SSH2: variants seen among roughly 807,000 people sequenced by gnomAD.
The protein encoded by SSH2 is slingshot protein phosphatase 2, also known as protein phosphatase Slingshot homolog 2.
In SSH2, 37 loss-of-function variants were observed where a neutral mutation model predicts 135.2. The observed-to-expected ratio is 0.27, with a 90% CI of 0.21 to 0.36. SSH2 has a LOEUF of 0.36. Ranked by LOEUF, SSH2 falls within the 10% of genes least tolerant of loss-of-function variation. The probability of loss-of-function intolerance (pLI) is 1.00; values close to 1 mark genes in which losing one functional copy is unlikely to be tolerated. For missense variants in SSH2, 1,408 were observed against 1,765.3 expected (o/e 0.80, Z 3.63); for synonymous variants, 628 against 646.2 (o/e 0.97, Z 0.43).
chr17:29,759,883 C>T (rs1444999531), intron 3 of SSH2, among the ~76,000 whole-genome samples: 2 of 152,178 alleles, frequency 1.3e-5, no homozygotes, highest in Non-Finnish European at 2.9e-5. Flanking sequence ...TATTTTCATA[C>T]TGGTTATCAG....
At chr17:29,878,534 T>C (rs1388424993) in intron 1 of SSH2, among the ~76,000 whole-genome samples, 1 of 152,186 alleles carries the variant, frequency 6.6e-6, no homozygotes, top group African/African-American at 2.4e-5. Flanking sequence ...GCTCAAAATA[T>C]ATGTTTAGAA....
intron 1 of SSH2, among the ~76,000 whole-genome samples, chr17:29,916,628 T>C (rs2066886807): frequency 6.6e-6 from 1 of 152,116 alleles, no homozygotes; most frequent in Admixed American, 6.5e-5. Flanking sequence ...GCCCAGCTAA[T>C]GTTATAGGTA....
At chr17:29,809,025 G>A (rs1031994965) in intron 2 of SSH2, among the ~76,000 whole-genome samples, 27 of 152,120 alleles carry the variant, frequency 1.8e-4, no homozygotes, top group Admixed American at 1.8e-3. Context: ...AGGCTGAGGC[G>A]GGCAGGTCAC....
intron 3 of SSH2, among the ~76,000 whole-genome samples, chr17:29,708,589 C>CAAA (rs61012646): frequency 1.0e-5 from 1 of 98,924 alleles, no homozygotes; most frequent in African/African-American, 3.9e-5. Flanking sequence ...AACTCTGCTT[C>CAAA]AAAAAAAAAA....
chr17:29,833,478 T>C (rs2042883318), intron 2 of SSH2, among the ~76,000 whole-genome samples: 1 of 152,202 alleles, frequency 6.6e-6, no homozygotes, highest in South Asian at 2.1e-4. Context: ...TGTGTCTTTA[T>C]AGGTGAAGTG....
intron 2 of SSH2, among the ~76,000 whole-genome samples, chr17:29,810,131 T>A (rs2042415624): frequency 6.6e-6 from 1 of 152,218 alleles, no homozygotes; most frequent in Non-Finnish European, 1.5e-5. Context: ...AGAACAAGTA[T>A]TGTAGGACAG....
intron 5 of SSH2, among the ~76,000 whole-genome samples, chr17:29,685,108 C>T (rs1465381933): frequency 2.0e-5 from 3 of 152,186 alleles, no homozygotes; most frequent in Non-Finnish European, 4.4e-5. Context: ...ATGGAGCAAA[C>T]TATTAGCATC....
intron 2 of SSH2, among the ~76,000 whole-genome samples, chr17:29,844,055 T>A (rs1316339153): frequency 6.6e-6 from 1 of 152,212 alleles, no homozygotes. Context: ...CATTTGATTC[T>A]AGGGGGTGGC....
rs2038296190 is a variant in SSH2 at position 29,688,009 on chromosome 17, T to TC, written c.358-3326_358-3325insG. Among the ~76,000 whole-genome samples, 3 of 44,312 alleles carry TC rather than the reference T, an allele frequency of 6.8e-5. No individual in the cohort carries two copies. In the South Asian group the frequency reaches 3.5e-3, roughly 52 times the overall value. The allele number at this position is 44,312 out of a possible 152,430, so 29.1% of individuals were successfully genotyped here. On this transcript the variant is annotated intron_variant, in intron 5 of 15. Coordinates refer to ENST00000540801, the MANE Select transcript of SSH2 (RefSeq NM_001282129.2). The stretch of plus-strand genomic sequence containing the variant: ...GTGATATTCATTGCAAACATTAGTG[T>TC]TTTTTTTTTTTTATTTTTCGAGATG...
chr17:29,718,907 G>A (rs532027973), intron 3 of SSH2, among the ~76,000 whole-genome samples: 100 of 152,144 alleles, frequency 6.6e-4, no homozygotes, highest in Non-Finnish European at 1.0e-3. Flanking sequence ...CGTGGCAGCT[G>A]ACTTTCCCCA....
intron 1 of SSH2, among the ~76,000 whole-genome samples, chr17:29,898,312 A>C (rs2066481560): frequency 6.6e-6 from 1 of 152,188 alleles, no homozygotes; most frequent in Non-Finnish European, 1.5e-5. Flanking sequence ...GACACAAAAA[A>C]ACCCTTCAAA....
At chr17:29,721,452 C>T (rs1038876664) in intron 3 of SSH2, among the ~76,000 whole-genome samples, 2 of 152,096 alleles carry the variant, frequency 1.3e-5, no homozygotes, top group Non-Finnish European at 2.9e-5. Context: ...TTTTAACCAC[C>T]GGCTTTACTA....
At chr17:29,753,119 A>G (rs1292491178) in intron 3 of SSH2, among the ~76,000 whole-genome samples, 2 of 152,124 alleles carry the variant, frequency 1.3e-5, no homozygotes, top group Non-Finnish European at 2.9e-5. Context: ...AATGTTCAGT[A>G]AAAAATTATC....
In SSH2 at chr17:29,731,412, G is replaced by A. The variant is rs1346044876; in HGVS notation, c.189-28350C>T. Among the ~76,000 whole-genome samples the A allele has an allele frequency of 9.0e-5, 13 of 143,918 alleles. No individual in the cohort carries two copies. In the Admixed American group the frequency reaches 9.4e-4, roughly 10 times the overall value. 94.4% of individuals were successfully genotyped at this position (143,918 alleles called of 152,430 possible). On this transcript the variant is annotated intron_variant, in intron 3 of 15. Coordinates refer to ENST00000540801, the MANE Select transcript of SSH2 (RefSeq NM_001282129.2). ...ACCAACTAGGTTTTTCATAGCAGAA[G>A]TATTTTTTATTTATTTATTTATTTA...
At chr17:29,855,311 G>T (rs924837776) in intron 1 of SSH2, among the ~76,000 whole-genome samples, 1 of 152,100 alleles carries the variant, frequency 6.6e-6, no homozygotes, top group Non-Finnish European at 1.5e-5. Flanking sequence ...AGACCAGCCT[G>T]GGCAACATTG....
At chr17:29,918,842 C>G (rs2066925948) in intron 1 of SSH2, among the ~76,000 whole-genome samples, 1 of 152,032 alleles carries the variant, frequency 6.6e-6, no homozygotes, top group African/African-American at 2.4e-5. Context: ...GAGGCTGAGG[C>G]AGAAGAATCA....
At chr17:29,680,862 T>C (rs1485281386) in intron 6 of SSH2, among the ~76,000 whole-genome samples, 1 of 152,120 alleles carries the variant, frequency 6.6e-6, no homozygotes, top group Non-Finnish European at 1.5e-5. Context: ...TGAGTATAAA[T>C]ATGGTGGGTT....
At chr17:29,688,796 G>A (rs901263651) in intron 5 of SSH2, among the ~76,000 whole-genome samples, 1 of 152,170 alleles carries the variant, frequency 6.6e-6, no homozygotes, top group African/African-American at 2.4e-5. Context: ...TAATTAGAAG[G>A]ATGAGATAAA....
At chr17:29,773,078 A>G (rs1006112210) in intron 3 of SSH2, among the ~76,000 whole-genome samples, 1 of 151,292 alleles carries the variant, frequency 6.6e-6, no homozygotes, top group East Asian at 2.0e-4. Context: ...CCATCCATCC[A>G]TCATCCACCC....
Sources: allele counts gnomAD v4.1 joint callset (sites outside exome capture counted in the v4.1 genomes callset), GRCh38; gene constraint gnomAD v4.1.1; transcripts MANE v1.5; gene names NCBI Gene and HGNC (gene_info 2026-07-23, HGNC 2026-07-21).